BLTP1: variants seen among roughly 807,000 people sequenced by gnomAD.
BLTP1 encodes the protein bridge-like lipid transfer protein family member 1.
the BLTP1 span, among the ~76,000 whole-genome samples, chr4:122,329,054 C>T: frequency 2.6e-5 from 4 of 151,860 alleles, no homozygotes; most frequent in Non-Finnish European, 1.5e-5. Context: ...TCTTTCCTCC[C>T]TTTCCTAGAC....
At chr4:122,344,658 T>A in the BLTP1 span, 1 of 1,183,048 alleles carries the variant, frequency 8.5e-7, no homozygotes, top group Non-Finnish European at 1.2e-6. Flanking sequence ...TCACTTAATG[T>A]TAAGCTTTCA....
At chr4:122,203,108 C>G in the BLTP1 span, among the ~76,000 whole-genome samples, 5 of 151,860 alleles carry the variant, frequency 3.3e-5, no homozygotes, top group South Asian at 8.3e-4. Flanking sequence ...TTGGAGTGAA[C>G]CTACTTGGTC....
chr4:122,237,807 AC>A, the BLTP1 span, among the ~76,000 whole-genome samples: 1 of 151,774 alleles, frequency 6.6e-6, no homozygotes, highest in Non-Finnish European at 1.5e-5. Flanking sequence ...ACATGGGGAA[AC>A]CCTTTCTCTA....
chr4:122,252,760 G>A, the BLTP1 span, among the ~76,000 whole-genome samples: 47 of 152,156 alleles, frequency 3.1e-4, no homozygotes, highest in Non-Finnish European at 5.7e-4. Context: ...AAGCCTGGCT[G>A]GCTTCGCCAC....
chr4:122,163,815 A>G, the BLTP1 span, among the ~76,000 whole-genome samples: 1 of 152,202 alleles, frequency 6.6e-6, no homozygotes, highest in Non-Finnish European at 1.5e-5. Flanking sequence ...CTTTTAATCC[A>G]TATAGTGATC....
At chr4:122,230,644 A>G in the BLTP1 span, among the ~76,000 whole-genome samples, 4,302 of 152,192 alleles carry the variant, frequency 0.028, 137 homozygotes, top group African/African-American at 0.08. Context: ...AGGAAGACTA[A>G]GAGTACTCAG....
the BLTP1 span, among the ~76,000 whole-genome samples, chr4:122,164,108 G>A: frequency 3.3e-5 from 5 of 152,168 alleles, no homozygotes; most frequent in Non-Finnish European, 7.3e-5. Flanking sequence ...ATTGCTTGGT[G>A]AGTATCTGCA....
chr4:122,184,766 C>T, the BLTP1 span: 1 of 984,974 alleles, frequency 1.0e-6, no homozygotes, highest in Non-Finnish European at 1.2e-6. Context: ...CCTTTCTAAG[C>T]CACACATGAG....
chr4:122,164,423 C>T, the BLTP1 span: 1 of 985,152 alleles, frequency 1.0e-6, no homozygotes, highest in Non-Finnish European at 1.2e-6. Flanking sequence ...TGCTGCTTCT[C>T]CTTCCCCCAG....
the BLTP1 span, among the ~76,000 whole-genome samples, chr4:122,272,995 C>G: frequency 6.6e-6 from 1 of 152,008 alleles, no homozygotes; most frequent in Admixed American, 6.6e-5. Context: ...CTGCATCCCA[C>G]TTTCAGAGAT....
chr4:122,180,451 C>G, the BLTP1 span, among the ~76,000 whole-genome samples: 3 of 152,176 alleles, frequency 2.0e-5, no homozygotes, highest in Admixed American at 6.5e-5. Context: ...TGCACTCTTG[C>G]TGTGTTCCAG....
chr4:122,258,311 T>C, the BLTP1 span, among the ~76,000 whole-genome samples: 1 of 152,174 alleles, frequency 6.6e-6, no homozygotes, highest in Admixed American at 6.5e-5. Flanking sequence ...ATTTAACAAA[T>C]AAATGAGTTA....
chr4:122,183,162 C>G, the BLTP1 span: 2 of 449,388 alleles, frequency 4.5e-6, no homozygotes, highest in Non-Finnish European at 5.9e-6. Context: ...ATAGTGAAAC[C>G]CTGTTTCTAC....
At chr4:122,357,457 G>A in the BLTP1 span, among the ~76,000 whole-genome samples, 15 of 151,756 alleles carry the variant, frequency 9.9e-5, no homozygotes, top group Admixed American at 2.0e-4. Flanking sequence ...CCAGCTACTC[G>A]GGAGGCTGTG....
the BLTP1 span, chr4:122,184,712 A>G: frequency 2.0e-6 from 2 of 985,284 alleles, no homozygotes; most frequent in African/African-American, 3.5e-5. Flanking sequence ...TGGTTTAACA[A>G]CTGGTACTAT....
At chr4:122,302,545 G>A in the BLTP1 span, among the ~76,000 whole-genome samples, 1 of 152,178 alleles carries the variant, frequency 6.6e-6, no homozygotes, top group African/African-American at 2.4e-5. Flanking sequence ...ATGTAGGATA[G>A]CAAACTAAAT....
At chr4:122,340,774 G>A in the BLTP1 span, 7 of 982,490 alleles carry the variant, frequency 7.1e-6, no homozygotes, top group Non-Finnish European at 7.3e-6. Context: ...TAGTGGTAGT[G>A]TTGGTTTTTG....
chr4:122,191,651 A>G, the BLTP1 span, among the ~76,000 whole-genome samples: 6 of 152,192 alleles, frequency 3.9e-5, no homozygotes. Context: ...CATTGCAATT[A>G]ACCTTTAAGA....
the BLTP1 span, among the ~76,000 whole-genome samples, chr4:122,283,279 C>G: frequency 1.3e-5 from 2 of 152,022 alleles, no homozygotes; most frequent in Admixed American, 6.6e-5. Context: ...AACCAGTGAT[C>G]ATTGTATATA....
Sources: gnomAD v4.1 joint callset for allele counts (sites outside exome capture counted in the v4.1 genomes callset) on GRCh38, gnomAD v4.1.1 for gene constraint, MANE v1.5 for transcripts, NCBI Gene and HGNC (gene_info 2026-07-23, HGNC 2026-07-21) for gene names.